Variants in MPDZ observed in about 807,000 individuals in gnomAD.
MPDZ encodes multiple PDZ domain protein.
In MPDZ, 234 loss-of-function variants were observed where a neutral mutation model predicts 239.1. That is an observed-to-expected ratio of 0.98 (90% CI 0.88 to 1.09). The LOEUF (loss-of-function observed/expected upper bound fraction) is 1.09, where lower values mean the gene tolerates loss of function less well. MPDZ is among the 50% of genes least tolerant of loss of function. The probability of loss-of-function intolerance (pLI) is 0.00; values close to 1 mark genes in which losing one functional copy is unlikely to be tolerated. For synonymous variants in MPDZ, 1,048 were observed against 881.3 expected (o/e 1.19, Z -3.35); for missense variants, 3,175 against 2,510.0 (o/e 1.26, Z -5.66).
intron 10 of MPDZ, among the ~76,000 whole-genome samples, chr9:13,206,717 T>C (rs1208856865): frequency 6.6e-6 from 1 of 152,148 alleles, no homozygotes; most frequent in East Asian, 1.9e-4. Flanking sequence ...CTAATTTTTG[T>C]ATTTTTAGTA....
chr9:13,245,538 C>A (rs1360533410), intron 3 of MPDZ, among the ~76,000 whole-genome samples: 1 of 152,068 alleles, frequency 6.6e-6, no homozygotes, highest in Non-Finnish European at 1.5e-5. Flanking sequence ...AGGGTATAAA[C>A]TAGGTGTTTT....
At chr9:13,165,598 A>G (rs1001162584) in intron 22 of MPDZ, 8 of 488,432 alleles carry the variant, frequency 1.6e-5, no homozygotes, top group Non-Finnish European at 2.9e-5. Context: ...ACTAGTGTCT[A>G]TAGCAGTGAT....
intron 3 of MPDZ, among the ~76,000 whole-genome samples, chr9:13,237,699 A>G (rs1964429113): frequency 6.6e-6 from 1 of 152,150 alleles, no homozygotes; most frequent in Admixed American, 6.5e-5. Flanking sequence ...AACAGACAGT[A>G]TTTGCCGCCC....
chr9:13,261,304 G>C (rs868679070), intron 1 of MPDZ, among the ~76,000 whole-genome samples: 3 of 152,128 alleles, frequency 2.0e-5, no homozygotes, highest in Non-Finnish European at 4.4e-5. Flanking sequence ...AGAGTAACTG[G>C]TCCCTACAGA....
At chr9:13,164,010 C>A (rs1419360873) in intron 22 of MPDZ, among the ~76,000 whole-genome samples, 5 of 152,092 alleles carry the variant, frequency 3.3e-5, no homozygotes, top group Admixed American at 6.6e-5. Flanking sequence ...ACCTCCATAC[C>A]CTCTACCACA....
At chr9:13,270,481 C>T (rs1055746397) in intron 1 of MPDZ, among the ~76,000 whole-genome samples, 1 of 151,806 alleles carries the variant, frequency 6.6e-6, no homozygotes. Flanking sequence ...CACTACTGGG[C>T]ACTTACACCT....
chr9:13,127,706 A>T (rs980823283), intron 32 of MPDZ, among the ~76,000 whole-genome samples: 1 of 152,156 alleles, frequency 6.6e-6, no homozygotes, highest in African/African-American at 2.4e-5. Context: ...TCTGAGGTAG[A>T]TTATTAATGC....
chr9:13,176,775 A>G (rs577241523), intron 19 of MPDZ, among the ~76,000 whole-genome samples: 27 of 152,042 alleles, frequency 1.8e-4, no homozygotes, highest in Non-Finnish European at 3.4e-4. Flanking sequence ...TCCAAATCTC[A>G]CTTAAAGTGT....
intron 22 of MPDZ, 32 bp downstream of exon 22, chr9:13,168,334 C>T (rs1198552622): frequency 8.9e-6 from 14 of 1,581,300 alleles, no homozygotes; most frequent in Non-Finnish European, 1.2e-5. Flanking sequence ...CCTGAATTTC[C>T]CAAGTTAAAC....
At chr9:13,154,478 T>C (rs1452336294) in intron 24 of MPDZ, among the ~76,000 whole-genome samples, 3 of 152,126 alleles carry the variant, frequency 2.0e-5, no homozygotes. Context: ...TTTTGCTACT[T>C]AATGATTATG....
chr9:13,165,881 A>C (rs1403536843), intron 22 of MPDZ, among the ~76,000 whole-genome samples: 2 of 152,166 alleles, frequency 1.3e-5, no homozygotes, highest in Non-Finnish European at 2.9e-5. Flanking sequence ...CCTGGATCTT[A>C]AACTGGCTGT....
chr9:13,163,212 T>A (rs1280731388), intron 22 of MPDZ, among the ~76,000 whole-genome samples: 1 of 152,180 alleles, frequency 6.6e-6, no homozygotes, highest in Non-Finnish European at 1.5e-5. Context: ...GTATACTCTA[T>A]TAAAATGCTG....
intron 22 of MPDZ, chr9:13,165,281 T>C (rs912592805): frequency 6.0e-6 from 8 of 1,322,862 alleles, no homozygotes; most frequent in African/African-American, 5.9e-5. Flanking sequence ...TATTCTTGCA[T>C]TGGGACATTA....
At chr9:13,138,223 C>A in intron 28 of MPDZ, 70 bp from the exon 29 acceptor site, 1 of 1,395,856 alleles carries the variant, frequency 7.2e-7, no homozygotes, top group Admixed American at 2.9e-5. Context: ...CTGTGGAAAG[C>A]TATTTAGTTT....
At chr9:13,265,666 A>C (rs1400085854) in intron 1 of MPDZ, among the ~76,000 whole-genome samples, 1 of 152,146 alleles carries the variant, frequency 6.6e-6, no homozygotes, top group Non-Finnish European at 1.5e-5. Flanking sequence ...GAACCTACCA[A>C]CTGCTGTCGG....
chr9:13,106,844 T>C lies in MPDZ; in HGVS notation c.*121A>G, dbSNP rs1586826760. 9 of 1,064,732 alleles carry C rather than the reference T, an allele frequency of 8.5e-6. No homozygotes were observed. Among genetic ancestry groups the C allele is most frequent in the Non-Finnish European group, 1.1e-5 (8 of 749,268 alleles). 66.0% of individuals were successfully genotyped at this position (1,064,732 alleles called of 1,614,324 possible). On this transcript the variant is annotated 3_prime_UTR_variant, in exon 47 of 47. Transcript: ENST00000319217. Reference sequence around the variant, plus strand: ...ATGAGAAAAAGAAACTTAAGTGTTATTTCCCCCCTACAGTTTTGAAGACCC... The same window carrying C: ...ATGAGAAAAAGAAACTTAAGTGTTACTTCCCCCCTACAGTTTTGAAGACCC...
intron 3 of MPDZ, among the ~76,000 whole-genome samples, chr9:13,244,041 G>T (rs562848464): frequency 6.6e-6 from 1 of 152,206 alleles, no homozygotes; most frequent in Admixed American, 6.5e-5. Flanking sequence ...AATAATCTTA[G>T]CAATGTCGAT....
intron 24 of MPDZ, among the ~76,000 whole-genome samples, chr9:13,152,970 G>GA (rs1259831545): frequency 6.6e-6 from 1 of 152,064 alleles, no homozygotes; most frequent in African/African-American, 2.4e-5. Context: ...GAAAATCGAC[G>GA]AAACAGAACT....
chr9:13,180,717 G>A (rs1337285982), intron 19 of MPDZ, among the ~76,000 whole-genome samples: 1 of 152,140 alleles, frequency 6.6e-6, no homozygotes, highest in African/African-American at 2.4e-5. Flanking sequence ...AACACGGCTA[G>A]AGCCATGTTG....
Sources: allele counts gnomAD v4.1 joint callset (sites outside exome capture counted in the v4.1 genomes callset), GRCh38; gene constraint gnomAD v4.1.1; transcripts MANE v1.5; gene names NCBI Gene and HGNC (gene_info 2026-07-23, HGNC 2026-07-21).